Variants in TRPM3 observed in about 807,000 individuals in gnomAD.
The protein encoded by TRPM3 is long transient receptor potential channel 3.
A neutral mutation model predicts 181.2 loss-of-function variants in TRPM3; 77 were observed. That is an observed-to-expected ratio of 0.42 (90% CI 0.35 to 0.51). The LOEUF (loss-of-function observed/expected upper bound fraction) is 0.51, where lower values mean the gene tolerates loss of function less well. Among genes scored for constraint, TRPM3 ranks in the 20% least tolerant of loss-of-function variants. The pLI is 0.01. For missense variants in TRPM3, 1,759 were observed against 2,196.7 expected, an observed-to-expected ratio of 0.80 and a Z score of 3.98; for synonymous variants, 745 against 796.4, an observed-to-expected ratio of 0.94 and a Z score of 1.09.
In TRPM3 at chr9:70,761,650, G is replaced by A. The variant is rs1467966957; in HGVS notation, c.1223C>T (p.Ala408Val). The A allele has an allele frequency of 1.2e-6, 2 of 1,613,850 alleles. No individual in the cohort carries two copies. The highest frequency in any genetic ancestry group is 1.7e-6 in the Non-Finnish European group (2 of 1,179,952). Reference sequence around the variant, plus strand: ...CATGAGGATGATGAACAGATGCTGAGCTTGGGTTCGAGTGTATGTGAAAGT... The same window carrying A: ...CATGAGGATGATGAACAGATGCTGAACTTGGGTTCGAGTGTATGTGAAAGT... ...QKTFTYTRTQ[A>V]QHLFIILMEC... The change falls in exon 8 of 26, where the codon GCT (alanine) becomes GTT (valine). Residue 408 changes from alanine to valine, a missense_variant. This residue lies in a region of TRPM3 where 737 missense variants were observed against 957.4 expected (regional missense o/e 0.77). Coordinates refer to ENST00000677713, the MANE Select transcript of TRPM3 (RefSeq NM_001366145.2).
intron 8 of TRPM3, among the ~76,000 whole-genome samples, chr9:70,754,678 C>G (rs968540197): frequency 6.6e-6 from 1 of 152,160 alleles, no homozygotes; most frequent in African/African-American, 2.4e-5. Context: ...CACATCAACT[C>G]TAGAACCAAA....
At chr9:70,752,028 G>A (rs1156516046) in intron 8 of TRPM3, among the ~76,000 whole-genome samples, 19 of 114,616 alleles carry the variant, frequency 1.7e-4, no homozygotes, top group Middle Eastern at 4.2e-3. Context: ...GTGTGTGTGT[G>A]TGTGTGTGTG....
At chr9:71,276,076 C>T (rs1450929090) in intron 1 of TRPM3, among the ~76,000 whole-genome samples, 3 of 152,032 alleles carry the variant, frequency 2.0e-5, no homozygotes, top group Non-Finnish European at 4.4e-5. Flanking sequence ...CTCCTGACCT[C>T]GTGATCCACC....
intron 8 of TRPM3, among the ~76,000 whole-genome samples, chr9:70,740,918 A>G (rs1314277819): frequency 1.3e-5 from 2 of 152,192 alleles, no homozygotes; most frequent in African/African-American, 4.8e-5. Context: ...AGACTTCACG[A>G]CAAGAACACG....
intron 11 of TRPM3, among the ~76,000 whole-genome samples, chr9:70,637,990 A>G (rs2057483188): frequency 6.6e-6 from 1 of 152,192 alleles, no homozygotes; most frequent in Non-Finnish European, 1.5e-5. Context: ...AATGTATCCC[A>G]GAACTTAAAG....
intron 22 of TRPM3, among the ~76,000 whole-genome samples, chr9:70,565,517 C>A (rs1178270565): frequency 6.6e-6 from 1 of 151,862 alleles, no homozygotes; most frequent in Non-Finnish European, 1.5e-5. Context: ...GGTCTCGAAC[C>A]GCTGACCTCA....
At chr9:71,221,414 TA>T (rs956140830) in intron 1 of TRPM3, among the ~76,000 whole-genome samples, 8 of 152,154 alleles carry the variant, frequency 5.3e-5, no homozygotes, top group African/African-American at 1.7e-4. Flanking sequence ...AGGAGCCAAA[TA>T]AAAAATAATT....
At position 70,846,842 on chromosome 9, in the gene TRPM3, G is replaced by A. The variant is rs141973372; in HGVS notation, c.463-251C>T. On this transcript the variant is annotated intron_variant, in intron 3 of 25. Transcript: ENST00000677713. ...TTAGATTTTCTAAAATGCTGTGCAA[G>A]CATGACTTTTCCCAGACCGAGTTCT... Among the ~76,000 whole-genome samples, 799 of 152,230 alleles carry A rather than the reference G, an allele frequency of 5.2e-3. 5 individuals are homozygous for A. The highest frequency in any genetic ancestry group is 8.2e-3 in the Non-Finnish European group (560 of 68,014).
At chr9:70,743,889 C>T (rs891367840) in intron 8 of TRPM3, among the ~76,000 whole-genome samples, 32 of 151,868 alleles carry the variant, frequency 2.1e-4, no homozygotes, top group African/African-American at 4.6e-4. Flanking sequence ...ATTAATTTTT[C>T]TCAGTAAAAG....
chr9:71,118,352 T>C (rs567766549), intron 1 of TRPM3, among the ~76,000 whole-genome samples: 1 of 152,324 alleles, frequency 6.6e-6, no homozygotes, highest in Non-Finnish European at 1.5e-5. Flanking sequence ...CAACACTCAT[T>C]GGGTTTAATT....
chr9:70,570,994 A>G (rs966924963), intron 22 of TRPM3, among the ~76,000 whole-genome samples: 1 of 152,134 alleles, frequency 6.6e-6, no homozygotes, highest in South Asian at 2.1e-4. Context: ...ATTCCATCTG[A>G]ATAACAGTAT....
intron 1 of TRPM3, among the ~76,000 whole-genome samples, chr9:71,321,617 T>C (rs2089231200): frequency 6.6e-6 from 1 of 152,122 alleles, no homozygotes. Flanking sequence ...GTAAAATGTA[T>C]CACAAATGTT....
intron 1 of TRPM3, among the ~76,000 whole-genome samples, chr9:71,249,240 A>T (rs954264745): frequency 2.0e-5 from 3 of 152,228 alleles, no homozygotes; most frequent in African/African-American, 7.2e-5. Context: ...AATATAACTA[A>T]ATTCAGAAGA....
intron 1 of TRPM3, among the ~76,000 whole-genome samples, chr9:70,936,553 G>T (rs1233354495): frequency 2.6e-5 from 4 of 152,182 alleles, no homozygotes; most frequent in Non-Finnish European, 5.9e-5. Context: ...GTTAGAAGAG[G>T]AGTGGAAATC....
chr9:70,825,380 C>T (rs1032732477), intron 6 of TRPM3: 1 of 152,138 alleles, frequency 6.6e-6, no homozygotes, highest in Non-Finnish European at 1.5e-5. Flanking sequence ...GGAAGAGGAG[C>T]CTGTGGGTCT....
intron 1 of TRPM3, among the ~76,000 whole-genome samples, chr9:71,032,827 C>G (rs11142673): frequency 1.6e-4 from 24 of 152,184 alleles, no homozygotes; most frequent in Admixed American, 1.4e-3. Flanking sequence ...AAGGAAGTAA[C>G]CTTTCTGCCA....
chr9:71,380,315 A>G (rs2092769164), intron 1 of TRPM3, among the ~76,000 whole-genome samples: 1 of 152,112 alleles, frequency 6.6e-6, no homozygotes, highest in Non-Finnish European at 1.5e-5. Flanking sequence ...TGATTAAAAA[A>G]AAATCTTTAA....
chr9:70,785,530 C>A (rs2083421088), intron 6 of TRPM3, among the ~76,000 whole-genome samples: 1 of 152,292 alleles, frequency 6.6e-6, no homozygotes, highest in Middle Eastern at 3.4e-3. Flanking sequence ...AATCAAAATT[C>A]TGTACTACTT....
intron 1 of TRPM3, among the ~76,000 whole-genome samples, chr9:71,340,290 T>C (rs2090868091): frequency 6.6e-6 from 1 of 152,142 alleles, no homozygotes; most frequent in South Asian, 2.1e-4. Flanking sequence ...TATGGACTGA[T>C]GGTTTTGTTA....
Sources: gnomAD v4.1 joint callset for allele counts (sites outside exome capture counted in the v4.1 genomes callset) on GRCh38, gnomAD v4.1.1 for gene constraint, gnomAD v4.1.1 regional missense constraint, MANE v1.5 for transcripts, NCBI Gene and HGNC (gene_info 2026-07-23, HGNC 2026-07-21) for gene names.